Variants in CEP83 observed in about 807,000 individuals in gnomAD.
CEP83 encodes centrosomal protein of 83 kDa.
In CEP83, 70 loss-of-function variants were observed where a neutral mutation model predicts 101.9. The ratio of observed to expected loss-of-function variants is 0.69; its 90% CI spans 0.57 to 0.84. The LOEUF is 0.84. Among genes scored for constraint, CEP83 ranks in the 40% least tolerant of loss-of-function variants. The probability of loss-of-function intolerance (pLI) is 0.00; values close to 1 mark genes in which losing one functional copy is unlikely to be tolerated. For synonymous variants in CEP83, 264 were observed against 267.9 expected, an observed-to-expected ratio of 0.99 and a Z score of 0.14; for missense variants, 715 against 787.2, an observed-to-expected ratio of 0.91 and a Z score of 1.10.
rs140203046 is a variant in CEP83, at chr12:94,422,537, G to C, written c.-101-9946C>G. Among the ~76,000 whole-genome samples, 32 of 152,246 alleles carry C rather than the reference G, an allele frequency of 2.1e-4. No homozygotes were observed. The East Asian group carries it at 6.0e-3, about 28-fold the overall frequency. ...CACACAATTTCATGAGTTCACAAAAGGAAGAATTCAAGAAAGCCTCAATTT... is the reference window on the plus strand; with the variant it reads ...CACACAATTTCATGAGTTCACAAAACGAAGAATTCAAGAAAGCCTCAATTT... On this transcript the variant is annotated intron_variant, in intron 2 of 16. Coordinates refer to ENST00000397809, the MANE Select transcript of CEP83 (RefSeq NM_016122.3).
At chr12:94,299,345 T>C in the CEP83 span, among the ~76,000 whole-genome samples, 1 of 152,122 alleles carries the variant, frequency 6.6e-6, no homozygotes, top group East Asian at 1.9e-4. Flanking sequence ...GCTCATGAGC[T>C]CTCTTTGAAA....
At chr12:94,451,228 G>C (rs991044656) in intron 1 of CEP83, among the ~76,000 whole-genome samples, 20 of 152,046 alleles carry the variant, frequency 1.3e-4, no homozygotes, top group Admixed American at 1.0e-3. Context: ...GGAGCTCAAA[G>C]AAAAATCTTT....
the CEP83 span, among the ~76,000 whole-genome samples, chr12:94,274,669 T>C: frequency 6.6e-6 from 1 of 152,364 alleles, no homozygotes; most frequent in Admixed American, 6.5e-5. Flanking sequence ...CTGGGTATTA[T>C]GCCATCCCAT....
At chr12:94,353,015 CA>C (rs2060274043) in intron 11 of CEP83, among the ~76,000 whole-genome samples, 1 of 152,084 alleles carries the variant, frequency 6.6e-6, no homozygotes, top group South Asian at 2.1e-4. Flanking sequence ...CAAACTGATT[CA>C]ACCCAAAAAG....
At position 94,336,693 on chromosome 12, in the gene CEP83, C is replaced by CA. The variant is rs1433067700; in HGVS notation, c.1344-1030dup. ...CAGAAACGATAAATCTAAAGAGGGC[C>CA]AGTCCTTTTCCTTTTGCTCCACCGT... On this transcript the variant is annotated intron_variant, in intron 11 of 16. Transcript: ENST00000397809. 2.0e-5 allele frequency among the ~76,000 whole-genome samples: 3 copies of CA among 152,176 alleles called. No homozygotes were observed. In the East Asian group the frequency reaches 5.8e-4, roughly 29 times the overall value.
Position 94,331,909 on chromosome 12 carries a change from ACT to A in CEP83, c.1578-82_1578-81del, listed in dbSNP as rs566283450. 4.5e-4 allele frequency: 586 copies of A among 1,293,038 alleles called. 5 individuals carry two copies. The African/African-American group carries it at 7.7e-3, about 17-fold the overall frequency. 80.1% of individuals were successfully genotyped at this position (1,293,038 alleles called of 1,614,324 possible). A position where few individuals can be genotyped will look rare whatever the true frequency, so the allele number is the denominator to read the frequency against. Reference sequence around the variant, plus strand: ...TAGATATTATCACAAGTATAAGCAAACTCACTACCTGTCTGACCACATTCTTA... The same window carrying A: ...TAGATATTATCACAAGTATAAGCAAACACTACCTGTCTGACCACATTCTTA... On this transcript the variant is annotated intron_variant, in intron 13 of 16. Transcript: ENST00000397809.
At chr12:94,345,969 G>T (rs2059916392) in intron 11 of CEP83, among the ~76,000 whole-genome samples, 1 of 152,174 alleles carries the variant, frequency 6.6e-6, no homozygotes, top group South Asian at 2.1e-4. Context: ...TCACCCATGT[G>T]CTAGGAGAAT....
chr12:94,416,567 CACACACAAAAAAA>C (rs2137882542), intron 2 of CEP83, among the ~76,000 whole-genome samples: 1 of 110,132 alleles, frequency 9.1e-6, no homozygotes, highest in Non-Finnish European at 2.1e-5. Flanking sequence ...CACACACACA[CACACACAAAAAAA>C]AAAAAACTGT....
At chr12:94,287,746 C>T in the CEP83 span, among the ~76,000 whole-genome samples, 7 of 152,310 alleles carry the variant, frequency 4.6e-5, no homozygotes, top group African/African-American at 1.7e-4. Flanking sequence ...TCAAGTCCAT[C>T]ATCTGTGACA....
intron 7 of CEP83, among the ~76,000 whole-genome samples, chr12:94,377,791 T>G (rs1479134022): frequency 6.6e-6 from 1 of 152,194 alleles, no homozygotes; most frequent in Non-Finnish European, 1.5e-5. Context: ...TCTCACTTAT[T>G]CTGTCACTGT....
At chr12:94,289,072 T>A in the CEP83 span, among the ~76,000 whole-genome samples, 4 of 152,232 alleles carry the variant, frequency 2.6e-5, no homozygotes, top group Non-Finnish European at 1.5e-5. Flanking sequence ...TTTCATAAGG[T>A]TAAACATAAG....
At chr12:94,405,347 T>C (rs2063475715) in intron 4 of CEP83, among the ~76,000 whole-genome samples, 1 of 152,218 alleles carries the variant, frequency 6.6e-6, no homozygotes, top group Admixed American at 6.5e-5. Context: ...CTGCACTGAT[T>C]TGTTATAGAG....
intron 6 of CEP83, among the ~76,000 whole-genome samples, chr12:94,386,754 G>T (rs1270961855): frequency 2.0e-5 from 3 of 152,116 alleles, no homozygotes; most frequent in Admixed American, 2.0e-4. Context: ...AGACTACTTA[G>T]ATTTGAATCC....
chr12:94,327,518 T>A (rs2059021786), intron 14 of CEP83, among the ~76,000 whole-genome samples: 1 of 152,210 alleles, frequency 6.6e-6, no homozygotes, highest in African/African-American at 2.4e-5. Flanking sequence ...TCTAGTTACC[T>A]ATATAATATC....
At chr12:94,343,469 ACTTTTTTT>A in intron 11 of CEP83, among the ~76,000 whole-genome samples, 1 of 126,208 alleles carries the variant, frequency 7.9e-6, no homozygotes, top group East Asian at 2.1e-4. Flanking sequence ...CTAGAAATTA[ACTTTTTTT>A]TTTTTTTTTT....
chr12:94,383,295 A>C (rs1028746285), intron 6 of CEP83, among the ~76,000 whole-genome samples: 3 of 152,048 alleles, frequency 2.0e-5, no homozygotes, highest in Non-Finnish European at 4.4e-5. Flanking sequence ...TCATACAGTT[A>C]CCCCTTGACT....
chr12:94,357,049 A>C (rs1593378587), intron 11 of CEP83, among the ~76,000 whole-genome samples: 2 of 152,324 alleles, frequency 1.3e-5, no homozygotes, highest in East Asian at 3.9e-4. Context: ...CAAGGGAACC[A>C]TATGTTGATT....
chr12:94,342,978 T>C (rs1447458901), intron 11 of CEP83, among the ~76,000 whole-genome samples: 14 of 152,064 alleles, frequency 9.2e-5, no homozygotes, highest in Non-Finnish European at 2.1e-4. Flanking sequence ...TATCATTCTT[T>C]GTACAAGACA....
In CEP83 at chr12:94,401,042, C is replaced by T. The variant is rs2063223619; in HGVS notation, c.418-61G>A. 5.6e-6 allele frequency: 5 copies of T among 893,700 alleles called. No homozygotes were observed. In the East Asian group the frequency reaches 1.6e-4, roughly 28 times the overall value. 55.4% of individuals were successfully genotyped at this position (893,700 alleles called of 1,614,324 possible). ...CAAAATTCGTACTCACTCCAATAGT[C>T]ACTTTTACAAATATAATTTTAAATT... On this transcript the variant is annotated intron_variant, in intron 5 of 16. Transcript: ENST00000397809.
Sources: gnomAD v4.1 joint callset for allele counts (sites outside exome capture counted in the v4.1 genomes callset) on GRCh38, gnomAD v4.1.1 for gene constraint, MANE v1.5 for transcripts, NCBI Gene and HGNC (gene_info 2026-07-23, HGNC 2026-07-21) for gene names.